Variants in HOXB2 observed in about 807,000 individuals in gnomAD.
The protein encoded by HOXB2 is homeobox B2.
In HOXB2, 14 loss-of-function variants were observed where a neutral mutation model predicts 13.1. The ratio of observed to expected loss-of-function variants is 1.07; its 90% CI spans 0.71 to 1.67. The LOEUF is 1.67. HOXB2 is among the 40% of genes most tolerant of loss of function. HOXB2 has a pLI of 0.00. For synonymous variants in HOXB2, 261 were observed against 233.1 expected, an observed-to-expected ratio of 1.12 and a Z score of -1.09; for missense variants, 582 against 488.3, an observed-to-expected ratio of 1.19 and a Z score of -1.81.
chr17:48,543,118 G>A lies in HOXB2; in HGVS notation c.1021C>T (p.Leu341=). The change falls in exon 2 of 2, where the codon CTG becomes TTG. Residue 341 remains leucine, a synonymous_variant. Coordinates refer to ENST00000330070, the MANE Select transcript of HOXB2 (RefSeq NM_002145.4). ...DSPVPFSEEE[L]DFFTSTLCAI... ...CAGAGCGTACTGGTGAAAAAATCCA[G>A]CTCTTCCTCGGAAAAAGGGACCGGG... is the stretch of plus-strand genomic sequence containing the variant. 1 of 1,613,058 alleles carries A rather than the reference G, an allele frequency of 6.2e-7. No homozygotes were observed. The highest frequency in any genetic ancestry group is 1.1e-5 in the South Asian group (1 of 90,978).
rs1806562517 is a variant in HOXB2 at position 48,543,727 on chromosome 17, C to T, written c.412G>A (p.Ala138Thr). The stretch of plus-strand genomic sequence containing the variant: ...AGCCTGCGCGCCCCGCCGCCACCAG[C>T]CTCCGGCAGTCCCAGGCCATCTGCA... ...SPADGLGLPE[A>T]GGGGARRLRT... Residue 138 changes from alanine to threonine, a missense_variant, in exon 2 of 2, where the codon GCT (alanine) becomes ACT (threonine). By Grantham distance (58) the Ala-to-Thr change is moderately conservative. Coordinates refer to ENST00000330070, the MANE Select transcript of HOXB2 (RefSeq NM_002145.4). The T allele has an allele frequency of 6.2e-7, 1 of 1,606,474 alleles. No individual in the cohort carries two copies. Among genetic ancestry groups the T allele is most frequent in the Non-Finnish European group, 8.5e-7 (1 of 1,176,266 alleles).
Position 48,543,303 on chromosome 17 carries a change from A to C in HOXB2, c.836T>G (p.Leu279Arg). 6.2e-7 allele frequency: 1 copy of C among 1,602,320 alleles called. No homozygotes were observed. The highest frequency in any genetic ancestry group is 1.3e-5 in the African/African-American group (1 of 74,496). Residue 279 changes from leucine (L) to arginine (R), a missense_variant, in exon 2 of 2, where the codon CTG (leucine) becomes CGG (arginine). Leu to Arg is a moderately radical substitution (Grantham distance 102, BLOSUM62 -2). Transcript: ENST00000330070. ...GGGCTCCAGCCCGCCGGCCCCGCGC[A>C]GCGCGCAGCCGGGACTCGACGCGCC... ...GAGASSPGCALRGAGGLEPGP... is the reference protein window; with the variant it reads ...GAGASSPGCARRGAGGLEPGP...
Position 48,544,991 on chromosome 17 carries a change from C to CA in HOXB2, c.-81_-80insT. 1 of 1,366,576 alleles carries CA rather than the reference C, an allele frequency of 7.3e-7. No individual in the cohort carries two copies. Among genetic ancestry groups the CA allele is most frequent in the Non-Finnish European group, 9.8e-7 (1 of 1,021,952 alleles). The allele number at this position is 1,366,576 out of a possible 1,614,324, so 84.7% of individuals were successfully genotyped here. On this transcript the variant is annotated 5_prime_UTR_variant, in exon 1 of 2. Transcript: ENST00000330070. ...GGAAGGGACCCCCCTCCTGCACCCC[C>CA]CCCGATTTATGTAATGGAGCGATTT...
Position 48,543,169 on chromosome 17 carries a change from G to A in HOXB2, c.970C>T (p.Pro324Ser). ...CTGTCGAGAGAACCCTGTAGGCTAG[G>A]GGAGAGGCCTCCGGATAGCTGGAGA... ...SCLQLSGGLSPSLQGSLDSPV... is the reference protein window; with the variant it reads ...SCLQLSGGLSSSLQGSLDSPV... Residue 324 changes from proline (P) to serine (S), a missense_variant, in exon 2 of 2, where the codon CCT becomes TCT. Pro to Ser is a moderately conservative substitution (Grantham distance 74). Coordinates refer to ENST00000330070, the MANE Select transcript of HOXB2 (RefSeq NM_002145.4). 1 of 1,613,990 alleles carries A rather than the reference G, an allele frequency of 6.2e-7. No individual in the cohort carries two copies.
chr17:48,544,864 C>G lies in HOXB2; in HGVS notation c.48G>C (p.Pro16=), dbSNP rs759100256. ...AGGAAGTCAGACACTCGGCGAGCGACGGCTGGCTGTTTATAAACCCAATCT... is the reference window on the plus strand; with the variant it reads ...AGGAAGTCAGACACTCGGCGAGCGAGGGCTGGCTGTTTATAAACCCAATCT... ...EREIGFINSQ[P]SLAECLTSFP... The change falls in exon 1 of 2, where the codon CCG becomes CCC. Residue 16 remains proline, a synonymous_variant. Transcript: ENST00000330070. The G allele has an allele frequency of 2.2e-5, 35 of 1,593,610 alleles. No individual in the cohort carries two copies. The highest frequency in any genetic ancestry group is 2.8e-5 in the Non-Finnish European group (33 of 1,169,740).
In HOXB2 at chr17:48,543,687, G is replaced by A. The variant is rs749146508; in HGVS notation, c.452C>T (p.Thr151Ile). 6.2e-7 allele frequency: 1 copy of A among 1,612,288 alleles called. No homozygotes were observed. Among genetic ancestry groups the A allele is most frequent in the South Asian group, 1.1e-5 (1 of 91,040 alleles). The part of the protein sequence containing the change: ...GGARRLRTAY[T>I]NTQLLELEKE... ...CTCCAGTTCCAGCAGCTGCGTGTTGGTGTAAGCCGTGCGCAGCCTGCGCGC... is the reference window on the plus strand; with the variant it reads ...CTCCAGTTCCAGCAGCTGCGTGTTGATGTAAGCCGTGCGCAGCCTGCGCGC... The change falls in exon 2 of 2, where the codon ACC (threonine) becomes ATC (isoleucine). Residue 151 changes from threonine to isoleucine, a missense_variant. By Grantham distance (89) the Thr-to-Ile change is moderately conservative. Transcript: ENST00000330070.
In HOXB2 at chr17:48,543,453, G is replaced by T; in HGVS notation, c.686C>A (p.Ala229Glu). ...EDICDPAEEP[A>E]ASPGGPSASR... ...GGCGGAGGGGCCGCCCGGGCTGGCC[G>T]CGGGTTCCTCGGCAGGGTCGCAGAT... The change falls in exon 2 of 2, where the codon GCG (alanine) becomes GAG (glutamate). Residue 229 changes from alanine (A) to glutamate (E), a missense_variant. Ala to Glu is a moderately radical substitution (Grantham distance 107). Coordinates refer to ENST00000330070, the MANE Select transcript of HOXB2 (RefSeq NM_002145.4). 6.2e-7 allele frequency: 1 copy of T among 1,605,258 alleles called. No homozygotes were observed. Among genetic ancestry groups the T allele is most frequent in the Non-Finnish European group, 8.5e-7 (1 of 1,177,212 alleles).
At chr17:48,543,983 G>T (rs915512948) in intron 1 of HOXB2, 10 of 1,291,082 alleles carry the variant, frequency 7.7e-6, no homozygotes, top group Non-Finnish European at 9.8e-6. Context: ...GGCCACGCAG[G>T]GGGCGGAGAG....
At chr17:48,544,332 A>AC in intron 1 of HOXB2, 189 bp downstream of exon 1, 1 of 1,333,468 alleles carries the variant, frequency 7.5e-7, no homozygotes, top group Non-Finnish European at 9.5e-7. Context: ...AGAGAGAGAC[A>AC]GAAAAAAAAA....
rs1386432310 is a variant in HOXB2 at position 48,543,161 on chromosome 17, T to G, written c.978A>C (p.Leu326=). 1.1e-5 allele frequency: 17 copies of G among 1,613,572 alleles called. No homozygotes were observed. The highest frequency in any genetic ancestry group is 1.3e-5 in the Non-Finnish European group (15 of 1,179,910). Residue 326 remains leucine (L), a synonymous_variant, in exon 2 of 2, where the codon CTA becomes CTC. Coordinates refer to ENST00000330070, the MANE Select transcript of HOXB2 (RefSeq NM_002145.4). Reference sequence around the variant, plus strand: ...GGACCGGGCTGTCGAGAGAACCCTGTAGGCTAGGGGAGAGGCCTCCGGATA... The same window carrying G: ...GGACCGGGCTGTCGAGAGAACCCTGGAGGCTAGGGGAGAGGCCTCCGGATA... ...LQLSGGLSPS[L]QGSLDSPVPF...
chr17:48,544,569 A>G lies in HOXB2; in HGVS notation c.343T>C (p.Ser115Pro), dbSNP rs2068546467. 2 of 1,607,666 alleles carry G rather than the reference A, an allele frequency of 1.2e-6. No homozygotes were observed. Among genetic ancestry groups the G allele is most frequent in the Non-Finnish European group, 8.5e-7 (1 of 1,179,928 alleles). Residue 115 changes from serine (S) to proline (P), a missense_variant, in exon 1 of 2, where the codon TCT becomes CCT. Coordinates refer to ENST00000330070, the MANE Select transcript of HOXB2 (RefSeq NM_002145.4). Reference sequence around the variant, plus strand: ...GCCGGAACGGCGGAGGCGGCCGGAGAAGGAGACGTGGCGGATTGGCTGGGT... The same window carrying G: ...GCCGGAACGGCGGAGGCGGCCGGAGGAGGAGACGTGGCGGATTGGCTGGGT... ...KKPSQSATSP[S>P]PAASAVPASG...
Position 48,544,972 on chromosome 17 carries a change from G to T in HOXB2, c.-61C>A. ...GGCGTCAGGAGGGAGGATCGGAAGGGACCCCCCTCCTGCACCCCCCCCGAT... is the reference window on the plus strand; with the variant it reads ...GGCGTCAGGAGGGAGGATCGGAAGGTACCCCCCTCCTGCACCCCCCCCGAT... On this transcript the variant is annotated 5_prime_UTR_variant, in exon 1 of 2. Coordinates refer to ENST00000330070, the MANE Select transcript of HOXB2 (RefSeq NM_002145.4). 3.5e-6 allele frequency: 4 copies of T among 1,147,264 alleles called. No homozygotes were observed. The highest frequency in any genetic ancestry group is 2.2e-6 in the Non-Finnish European group (2 of 893,048). 71.1% of individuals were successfully genotyped at this position (1,147,264 alleles called of 1,614,324 possible).
rs149506389 is a variant in HOXB2, at chr17:48,543,667, G to T, written c.472C>A (p.Leu158Met). Reference protein sequence around the residue: ...TAYTNTQLLELEKEFHFNKYL... With the variant: ...TAYTNTQLLEMEKEFHFNKYL... Reference sequence around the variant, plus strand: ...TTATTAAAGTGGAATTCCTTCTCCAGTTCCAGCAGCTGCGTGTTGGTGTAA... The same window carrying T: ...TTATTAAAGTGGAATTCCTTCTCCATTTCCAGCAGCTGCGTGTTGGTGTAA... The change falls in exon 2 of 2, where the codon CTG becomes ATG. Residue 158 changes from leucine to methionine, a missense_variant. Transcript: ENST00000330070. 2 of 1,613,576 alleles carry T rather than the reference G, an allele frequency of 1.2e-6. No individual in the cohort carries two copies. Among genetic ancestry groups the T allele is most frequent in the South Asian group, 1.1e-5 (1 of 91,086 alleles).
In HOXB2 at chr17:48,543,509, C is replaced by T. The variant is rs765715104; in HGVS notation, c.630G>A (p.Gly210=). 1.9e-6 allele frequency: 3 copies of T among 1,612,606 alleles called. No homozygotes were observed. Among genetic ancestry groups the T allele is most frequent in the Non-Finnish European group, 1.7e-6 (2 of 1,179,926 alleles). The part of the protein sequence containing the change: ...RQTQHREPPD[G]EPACPGALED... Reference sequence around the variant, plus strand: ...CCAGGGCTCCCGGGCAGGCAGGCTCCCCATCCGGCGGCTCTCGGTGCTGCG... The same window carrying T: ...CCAGGGCTCCCGGGCAGGCAGGCTCTCCATCCGGCGGCTCTCGGTGCTGCG... The change falls in exon 2 of 2, where the codon GGG becomes GGA. Residue 210 remains glycine (G), a synonymous_variant. Coordinates refer to ENST00000330070, the MANE Select transcript of HOXB2 (RefSeq NM_002145.4).
intron 1 of HOXB2, 168 bp from the exon 2 acceptor site, chr17:48,543,915 C>A: frequency 7.1e-7 from 1 of 1,399,116 alleles, no homozygotes; most frequent in Non-Finnish European, 9.2e-7. Context: ...TTTCTTCTCT[C>A]CCTCTCTAGT....
rs961328579 is a variant in HOXB2 at position 48,543,468 on chromosome 17, G to A, written c.671C>T (p.Pro224Leu). The A allele has an allele frequency of 1.2e-6, 2 of 1,609,998 alleles. No individual in the cohort carries two copies. The highest frequency in any genetic ancestry group is 1.7e-6 in the Non-Finnish European group (2 of 1,179,194). The part of the protein sequence containing the change: ...CPGALEDICD[P>L]AEEPAASPGG... ...CGGGCTGGCCGCGGGTTCCTCGGCA[G>A]GGTCGCAGATGTCCTCCAGGGCTCC... Residue 224 changes from proline to leucine, a missense_variant, in exon 2 of 2, where the codon CCT (proline) becomes CTT (leucine). Physicochemically the swap from Pro to Leu is moderately conservative, Grantham distance 98 (BLOSUM62 -3). Transcript: ENST00000330070.
chr17:48,543,919 C>G, intron 1 of HOXB2, 172 bp from the exon 2 acceptor site: 2 of 1,403,942 alleles, frequency 1.4e-6, no homozygotes, highest in Non-Finnish European at 1.8e-6. Flanking sequence ...TTCTCTCCCT[C>G]TCTAGTCTAC....
Position 48,542,920 on chromosome 17 carries a change from G to T in HOXB2, c.*148C>A, listed in dbSNP as rs556316832. 2 of 506,612 alleles carry T rather than the reference G, an allele frequency of 3.9e-6. No individual in the cohort carries two copies. The highest frequency in any genetic ancestry group is 7.8e-5 in the Admixed American group (2 of 25,562). The allele number at this position is 506,612 out of a possible 1,614,324, so 31.4% of individuals were successfully genotyped here. A position where few individuals can be genotyped will look rare whatever the true frequency, so the allele number is the denominator to read the frequency against. On this transcript the variant is annotated 3_prime_UTR_variant, in exon 2 of 2. Transcript: ENST00000330070. Reference sequence around the variant, plus strand: ...AGTGCCCAATATTTTAGAAGAAGAAGAAAGGGAGTGGATTAAACGCTAATT... The same window carrying T: ...AGTGCCCAATATTTTAGAAGAAGAATAAAGGGAGTGGATTAAACGCTAATT...
Position 48,543,191 on chromosome 17 carries a change from G to T in HOXB2, c.948C>A (p.Leu316=). 1.2e-6 allele frequency: 2 copies of T among 1,613,944 alleles called. No individual in the cohort carries two copies. Among genetic ancestry groups the T allele is most frequent in the South Asian group, 1.1e-5 (1 of 91,072 alleles). ...DLNFFAADSC[L]QLSGGLSPSL... The stretch of plus-strand genomic sequence containing the variant: ...TAGGGGAGAGGCCTCCGGATAGCTG[G>T]AGACAGGAGTCGGCCGCGAAGAAGT... The change falls in exon 2 of 2, where the codon CTC becomes CTA. Residue 316 remains leucine (L), a synonymous_variant. Coordinates refer to ENST00000330070, the MANE Select transcript of HOXB2 (RefSeq NM_002145.4).
Sources: allele counts gnomAD v4.1 joint callset, GRCh38; gene constraint gnomAD v4.1.1; transcripts MANE v1.5; gene names NCBI Gene and HGNC (gene_info 2026-07-23, HGNC 2026-07-21).